Variants in MCF2L2 observed in about 807,000 individuals in gnomAD.
MCF2L2 encodes probable guanine nucleotide exchange factor MCF2L2.
In MCF2L2, 102 loss-of-function variants were observed where a neutral mutation model predicts 150.2. The ratio of observed to expected loss-of-function variants is 0.68; its 90% CI spans 0.58 to 0.80. The LOEUF (loss-of-function observed/expected upper bound fraction) is 0.80. Ranked by LOEUF, MCF2L2 falls within the 30% of genes least tolerant of loss-of-function variation. MCF2L2 has a pLI of 0.00. For missense variants in MCF2L2, 1,256 were observed against 1,372.8 expected, an observed-to-expected ratio of 0.91 and a Z score of 1.34; for synonymous variants, 465 against 491.3, an observed-to-expected ratio of 0.95 and a Z score of 0.71.
chr3:183,392,513 G>GT (rs1031103583), intron 1 of MCF2L2, among the ~76,000 whole-genome samples: 5 of 152,176 alleles, frequency 3.3e-5, no homozygotes, highest in Non-Finnish European at 7.3e-5. Context: ...TTCATAATTT[G>GT]TTTTTCTAAG....
intron 22 of MCF2L2, among the ~76,000 whole-genome samples, chr3:183,214,830 C>CAA (rs576928280): frequency 0.017 from 2,111 of 123,950 alleles, 47 homozygotes; most frequent in African/African-American, 0.053. Flanking sequence ...ACTAAAAATA[C>CAA]AAAAAAAAAA....
chr3:183,247,280 T>A (rs1724301077), intron 15 of MCF2L2, among the ~76,000 whole-genome samples: 1 of 152,170 alleles, frequency 6.6e-6, no homozygotes, highest in Non-Finnish European at 1.5e-5. Context: ...CTCTGCTCCT[T>A]AAGAGACAGG....
At chr3:183,348,851 T>C (rs1365447368) in intron 3 of MCF2L2, among the ~76,000 whole-genome samples, 1 of 152,132 alleles carries the variant, frequency 6.6e-6, no homozygotes, top group Non-Finnish European at 1.5e-5. Flanking sequence ...TACAATAACA[T>C]TGCCCCAAAG....
chr3:183,367,286 C>T (rs1189826304), intron 3 of MCF2L2, among the ~76,000 whole-genome samples: 1 of 150,044 alleles, frequency 6.7e-6, no homozygotes, highest in African/African-American at 2.5e-5. Flanking sequence ...AGTGCAACAG[C>T]GCCGTCTAGG....
At chr3:183,359,470 A>G (rs909595166) in intron 3 of MCF2L2, among the ~76,000 whole-genome samples, 2 of 152,158 alleles carry the variant, frequency 1.3e-5, no homozygotes, top group Admixed American at 1.3e-4. Context: ...TTCTGCTCAC[A>G]CTCCAGCTGA....
At chr3:183,338,754 G>A (rs1407092245) in intron 5 of MCF2L2, 46 bp downstream of exon 5, 13 of 1,553,838 alleles carry the variant, frequency 8.4e-6, no homozygotes, top group Non-Finnish European at 9.6e-6. Flanking sequence ...TGCCATCTTA[G>A]CCAGAAGCCC....
At chr3:183,407,987 C>A (rs937876099) in intron 1 of MCF2L2, among the ~76,000 whole-genome samples, 6 of 152,080 alleles carry the variant, frequency 3.9e-5, no homozygotes, top group African/African-American at 1.4e-4. Context: ...GCCTGTGAAA[C>A]CCTGAGGGCT....
chr3:183,182,315 G>A (rs1372033916), intron 27 of MCF2L2, among the ~76,000 whole-genome samples: 1 of 151,382 alleles, frequency 6.6e-6, no homozygotes, highest in African/African-American at 2.4e-5. Context: ...CAGGAGCTCC[G>A]GGTGCCACAG....
intron 1 of MCF2L2, among the ~76,000 whole-genome samples, chr3:183,415,695 T>C (rs1715553297): frequency 1.3e-5 from 2 of 152,222 alleles, no homozygotes; most frequent in South Asian, 4.1e-4. Context: ...AGTGTTTGTA[T>C]AGTTACAGTT....
chr3:183,254,330 G>C (rs1724820223), intron 15 of MCF2L2: 1 of 151,908 alleles, frequency 6.6e-6, no homozygotes, highest in Admixed American at 6.6e-5. Context: ...CCAGCGCCGG[G>C]AAGTCGGGAA....
chr3:183,289,854 TCAAA>T lies in MCF2L2; in HGVS notation c.1676-638_1676-635del, dbSNP rs986168413. Among the ~76,000 whole-genome samples the T allele has an allele frequency of 9.9e-5, 15 of 152,276 alleles. No homozygotes were observed. In the South Asian group the frequency reaches 1.0e-3, roughly 11 times the overall value. On this transcript the variant is annotated intron_variant, in intron 13 of 29. Coordinates refer to ENST00000328913, the MANE Select transcript of MCF2L2 (RefSeq NM_015078.4). ...CTGGGCAACAGAGCTAGACTCCATC[TCAAA>T]CAAACAAACAGACAAACAAACAAAA...
intron 15 of MCF2L2, among the ~76,000 whole-genome samples, chr3:183,268,783 C>G (rs946222810): frequency 6.6e-6 from 1 of 152,166 alleles, no homozygotes; most frequent in African/African-American, 2.4e-5. Context: ...CCGTAAGTGG[C>G]TAAGGCGGCA....
Position 183,207,647 on chromosome 3 carries a change from C to T in MCF2L2, c.2673G>A (p.Gln891=). 3 of 1,614,190 alleles carry T rather than the reference C, an allele frequency of 1.9e-6. No individual in the cohort carries two copies. Among genetic ancestry groups the T allele is most frequent in the Non-Finnish European group, 2.5e-6 (3 of 1,180,000 alleles). ...TGAAGCTGTAATGAGGAGATAATCCCTGGTCCCCAGGCTCCATTCGTATCT... is the reference window on the plus strand; with the variant it reads ...TGAAGCTGTAATGAGGAGATAATCCTTGGTCCCCAGGCTCCATTCGTATCT... The part of the protein sequence containing the change: ...FCKIRMEPGD[Q]GLSPHYSFKK... Residue 891 remains glutamine, a synonymous_variant, in exon 23 of 30, where the codon CAG becomes CAA. Transcript: ENST00000328913.
rs1730262205 is a variant in MCF2L2, at chr3:183,331,272, CTCTGCCTCCTTCT to C, written c.486+7515_486+7527del. On this transcript the variant is annotated intron_variant, in intron 5 of 29. Transcript: ENST00000328913. ...AGTAAACGCTCTGTCCTAGACTTTC[CTCTGCCTCCTTCT>C]TCTGCCTCCTGACCAAAGCTTGGTG... 2.6e-5 allele frequency among the ~76,000 whole-genome samples: 4 copies of C among 152,308 alleles called. No individual in the cohort carries two copies. The South Asian group carries it at 8.3e-4, about 32-fold the overall frequency.
chr3:183,218,121 C>G (rs923617026), intron 21 of MCF2L2, among the ~76,000 whole-genome samples: 1 of 152,182 alleles, frequency 6.6e-6, no homozygotes, highest in African/African-American at 2.4e-5. Flanking sequence ...AATGTAGTCA[C>G]AGGGTTTAAT....
chr3:183,354,260 T>C (rs904968827), intron 3 of MCF2L2, among the ~76,000 whole-genome samples: 14 of 152,218 alleles, frequency 9.2e-5, no homozygotes, highest in African/African-American at 3.4e-4. Context: ...GCAAAATATA[T>C]TTCTTTGCCA....
chr3:183,311,871 T>C (rs1577054851), intron 7 of MCF2L2, 99 bp from the exon 8 acceptor site: 1 of 1,104,566 alleles, frequency 9.1e-7, no homozygotes, highest in East Asian at 2.7e-5. Flanking sequence ...ATTTTTCATT[T>C]AGGAAATTAA....
intron 3 of MCF2L2, among the ~76,000 whole-genome samples, chr3:183,359,270 G>C (rs1711984895): frequency 6.6e-6 from 1 of 152,200 alleles, no homozygotes; most frequent in African/African-American, 2.4e-5. Flanking sequence ...GAAGGCAAAA[G>C]CTCGTGTGCT....
chr3:183,248,005 G>C (rs1425515254), intron 15 of MCF2L2, among the ~76,000 whole-genome samples: 1 of 152,128 alleles, frequency 6.6e-6, no homozygotes, highest in Admixed American at 6.5e-5. Context: ...TCAAAGAGCC[G>C]AAAATGTTGG....
Sources: allele counts gnomAD v4.1 joint callset (sites outside exome capture counted in the v4.1 genomes callset), GRCh38; gene constraint gnomAD v4.1.1; transcripts MANE v1.5; gene names NCBI Gene and HGNC (gene_info 2026-07-23, HGNC 2026-07-21).